MRPL1: variants seen among roughly 807,000 people sequenced by gnomAD.
MRPL1 encodes mitochondrial ribosomal protein L1, also known as large ribosomal subunit protein uL1m.
A neutral mutation model predicts 38.0 loss-of-function variants in MRPL1; 28 were observed. That is an observed-to-expected ratio of 0.74 (90% CI 0.55 to 1.01). The LOEUF is 1.01. Ranked by LOEUF, MRPL1 falls within the 50% of genes least tolerant of loss-of-function variation. MRPL1 has a pLI of 0.00. For missense variants in MRPL1, 358 were observed against 389.8 expected, an observed-to-expected ratio of 0.92 and a Z score of 0.69; for synonymous variants, 123 against 126.7, an observed-to-expected ratio of 0.97 and a Z score of 0.20.
At chr4:77,920,585 T>C (rs896482638) in intron 7 of MRPL1, among the ~76,000 whole-genome samples, 1 of 152,194 alleles carries the variant, frequency 6.6e-6, no homozygotes, top group Admixed American at 6.5e-5. Flanking sequence ...GGAACCTGCA[T>C]GTGGGATCAC....
At chr4:77,863,002 G>A in intron 1 of MRPL1, 123 bp downstream of exon 1, 1 of 1,223,844 alleles carries the variant, frequency 8.2e-7, no homozygotes, top group Non-Finnish European at 1.2e-6. Flanking sequence ...TGGTCTCTAG[G>A]TTTTTCAGAG....
chr4:77,944,257 T>C (rs1024129047), intron 7 of MRPL1, among the ~76,000 whole-genome samples: 1 of 152,220 alleles, frequency 6.6e-6, no homozygotes. Context: ...CTCACAGCCA[T>C]AGATAGCAGC....
chr4:77,948,049 G>T (rs1737312056), intron 7 of MRPL1, among the ~76,000 whole-genome samples: 1 of 152,046 alleles, frequency 6.6e-6, no homozygotes, highest in Admixed American at 6.6e-5. Flanking sequence ...CTTGCTAGAG[G>T]AATGGCAATA....
intron 7 of MRPL1, among the ~76,000 whole-genome samples, chr4:77,947,744 A>C (rs1737304137): frequency 6.6e-6 from 1 of 152,240 alleles, no homozygotes; most frequent in South Asian, 2.1e-4. Flanking sequence ...CTATCTTGTC[A>C]TTAGCCAATT....
chr4:77,907,228 G>C, intron 6 of MRPL1: 1 of 905,946 alleles, frequency 1.1e-6, no homozygotes, highest in Non-Finnish European at 1.3e-6. Context: ...ATGGTATAGT[G>C]GAATATACCA....
chr4:77,936,405 A>G (rs1463705089), intron 7 of MRPL1, among the ~76,000 whole-genome samples: 1 of 152,190 alleles, frequency 6.6e-6, no homozygotes, highest in East Asian at 1.9e-4. Context: ...CTTTAAAAAC[A>G]AAACAAAACA....
chr4:77,871,193 C>T (rs1471954708), intron 1 of MRPL1, among the ~76,000 whole-genome samples: 1 of 151,590 alleles, frequency 6.6e-6, no homozygotes, highest in African/African-American at 2.4e-5. Flanking sequence ...TGTACTCCAG[C>T]CTGGGTGACA....
At chr4:77,944,836 A>G (rs1284159116) in intron 7 of MRPL1, among the ~76,000 whole-genome samples, 1 of 152,156 alleles carries the variant, frequency 6.6e-6, no homozygotes, top group Non-Finnish European at 1.5e-5. Context: ...TTTTCCTTAT[A>G]TAAAGATCAC....
At chr4:77,917,977 C>CCTGGGAGGCGGAGGTTG (rs1304401353) in intron 7 of MRPL1, among the ~76,000 whole-genome samples, 1 of 151,582 alleles carries the variant, frequency 6.6e-6, no homozygotes, top group Non-Finnish European at 1.5e-5. Context: ...ACTGCTTTAA[C>CCTGGGAGGCGGAGGTTG]CTGGGAGGCG....
intron 7 of MRPL1, among the ~76,000 whole-genome samples, chr4:77,919,452 G>A (rs1171484791): frequency 6.6e-6 from 1 of 151,758 alleles, no homozygotes; most frequent in African/African-American, 2.4e-5. Context: ...CTTTCTGTTT[G>A]TCAAAAACTA....
intron 1 of MRPL1, among the ~76,000 whole-genome samples, chr4:77,869,479 A>G (rs575716092): frequency 6.6e-6 from 1 of 152,302 alleles, no homozygotes; most frequent in East Asian, 1.9e-4. Context: ...AAATAGTGGT[A>G]TTTGGTTTCT....
intron 7 of MRPL1, among the ~76,000 whole-genome samples, chr4:77,932,938 TAAAAAAAAAGA>T (rs1003721705): frequency 2.6e-4 from 39 of 148,948 alleles, no homozygotes; most frequent in African/African-American, 9.1e-4. Context: ...TTTCCTTTTT[TAAAAAAAAAGA>T]AAAAAAAAAG....
At chr4:77,886,488 C>T (rs563573074) in intron 4 of MRPL1, among the ~76,000 whole-genome samples, 1 of 152,152 alleles carries the variant, frequency 6.6e-6, no homozygotes, top group South Asian at 2.1e-4. Flanking sequence ...GCATGCACCA[C>T]CACACCTGGC....
intron 1 of MRPL1, among the ~76,000 whole-genome samples, chr4:77,864,291 A>G (rs1735077334): frequency 6.6e-6 from 1 of 151,830 alleles, no homozygotes; most frequent in Non-Finnish European, 1.5e-5. Context: ...TTCCTATTTC[A>G]TGTGTCATTT....
At chr4:77,897,928 G>T (rs1177931813) in intron 6 of MRPL1, among the ~76,000 whole-genome samples, 1 of 152,198 alleles carries the variant, frequency 6.6e-6, no homozygotes, top group Non-Finnish European at 1.5e-5. Flanking sequence ...ATTAGGTACT[G>T]TTACAATTGT....
intron 7 of MRPL1, among the ~76,000 whole-genome samples, chr4:77,927,435 C>T (rs868596445): frequency 1.3e-5 from 2 of 151,972 alleles, no homozygotes; most frequent in Non-Finnish European, 2.9e-5. Flanking sequence ...GCATCAATTC[C>T]TCCTGTGAGT....
chr4:77,948,209 C>CG (rs757224403), intron 7 of MRPL1, among the ~76,000 whole-genome samples: 2 of 151,876 alleles, frequency 1.3e-5, no homozygotes, highest in Admixed American at 6.6e-5. Flanking sequence ...AGGTCTTTAG[C>CG]GGGGGGTGTA....
rs1322221000 is a variant in MRPL1 at position 77,949,585 on chromosome 4, CTATAA to C, written c.778-208_778-204del. ...GTGGAAAAACTTCAACTTCAGTTTG[CTATAA>C]TATGTTCTATAAATCTATTAAATCT... On this transcript the variant is annotated intron_variant, in intron 7 of 8. Transcript: ENST00000315567. 3.9e-5 allele frequency among the ~76,000 whole-genome samples: 6 copies of C among 152,124 alleles called. No individual in the cohort carries two copies. In the East Asian group the frequency reaches 9.6e-4, roughly 24 times the overall value.
chr4:77,921,347 T>C (rs887396095), intron 7 of MRPL1, among the ~76,000 whole-genome samples: 11 of 151,974 alleles, frequency 7.2e-5, no homozygotes, highest in Admixed American at 5.2e-4. Context: ...TATGTACTTA[T>C]GATGGTGGAG....
Sources: allele counts gnomAD v4.1 joint callset (sites outside exome capture counted in the v4.1 genomes callset), GRCh38; gene constraint gnomAD v4.1.1; transcripts MANE v1.5; gene names NCBI Gene and HGNC (gene_info 2026-07-23, HGNC 2026-07-21).